Variants in CSMD1 observed in about 807,000 individuals in gnomAD.
The protein encoded by CSMD1 is CUB and sushi domain-containing protein 1.
Under a neutral mutation model 417.5 loss-of-function variants are expected in CSMD1, and 213 were observed. The observed-to-expected ratio is 0.51, with a 90% CI of 0.46 to 0.57. The LOEUF (loss-of-function observed/expected upper bound fraction) is 0.57, where lower values mean the gene tolerates loss of function less well. Among genes scored for constraint, CSMD1 ranks in the 20% least tolerant of loss-of-function variants. CSMD1 has a pLI of 0.00. For synonymous variants in CSMD1, 2,862 were observed against 1,736.8 expected, an observed-to-expected ratio of 1.65 and a Z score of -16.11; for missense variants, 6,923 against 4,529.7, an observed-to-expected ratio of 1.53 and a Z score of -15.17.
At chr8:3,547,840 A>C (rs1563142159) in intron 10 of CSMD1, among the ~76,000 whole-genome samples, 1 of 152,198 alleles carries the variant, frequency 6.6e-6, no homozygotes, top group African/African-American at 2.4e-5. Flanking sequence ...AAAGTTTTTT[A>C]AAAGGAATTT....
intron 5 of CSMD1, among the ~76,000 whole-genome samples, chr8:3,840,675 C>G (rs1314492655): frequency 1.3e-5 from 2 of 150,172 alleles, no homozygotes; most frequent in East Asian, 2.0e-4. Flanking sequence ...TATACAGTGA[C>G]CTCAATTCTT....
chr8:2,982,646 G>A (rs1158433456), intron 54 of CSMD1, among the ~76,000 whole-genome samples: 7 of 152,284 alleles, frequency 4.6e-5, no homozygotes, highest in East Asian at 1.9e-4. Context: ...CTATGACCGC[G>A]GCTCCACCTC....
At chr8:3,209,403 A>G (rs1797478510) in intron 30 of CSMD1, among the ~76,000 whole-genome samples, 1 of 151,774 alleles carries the variant, frequency 6.6e-6, no homozygotes, top group Non-Finnish European at 1.5e-5. Flanking sequence ...TGCAAGTTCC[A>G]TCTCCCGGGT....
chr8:4,994,045 G>C (rs1418219100), intron 1 of CSMD1, among the ~76,000 whole-genome samples: 2 of 152,118 alleles, frequency 1.3e-5, no homozygotes, highest in Non-Finnish European at 2.9e-5. Context: ...ACTCGTATTG[G>C]GTTCCTTTCT....
At chr8:3,963,610 G>T (rs1185919142) in intron 5 of CSMD1, among the ~76,000 whole-genome samples, 1 of 152,106 alleles carries the variant, frequency 6.6e-6, no homozygotes, top group Non-Finnish European at 1.5e-5. Flanking sequence ...TTTAAATTTA[G>T]TAGCACATAT....
intron 3 of CSMD1, among the ~76,000 whole-genome samples, chr8:4,387,983 A>G (rs907139428): frequency 6.6e-6 from 1 of 152,168 alleles, no homozygotes; most frequent in South Asian, 2.1e-4. Flanking sequence ...CAGAAGACAC[A>G]ATCATGTTAA....
chr8:4,837,212 G>A (rs1435811563), intron 1 of CSMD1, among the ~76,000 whole-genome samples: 1 of 152,104 alleles, frequency 6.6e-6, no homozygotes, highest in African/African-American at 2.4e-5. Flanking sequence ...ATACTATTGG[G>A]AAGAATGTAA....
chr8:4,472,589 GAA>G (rs971455613), intron 2 of CSMD1, among the ~76,000 whole-genome samples: 5 of 151,870 alleles, frequency 3.3e-5, no homozygotes, highest in African/African-American at 9.7e-5. Flanking sequence ...TCATCACTTT[GAA>G]AAGTTAAAAT....
chr8:3,932,134 T>C (rs1032340702), intron 5 of CSMD1, among the ~76,000 whole-genome samples: 1 of 150,264 alleles, frequency 6.7e-6, no homozygotes, highest in African/African-American at 2.5e-5. Flanking sequence ...TTATGGCTTA[T>C]ATATTGAGGA....
intron 50 of CSMD1, among the ~76,000 whole-genome samples, chr8:3,050,868 C>G (rs1259432499): frequency 6.6e-5 from 10 of 152,148 alleles, no homozygotes; most frequent in Non-Finnish European, 4.4e-5. Context: ...AATGATCTGA[C>G]TTTATTATTG....
intron 8 of CSMD1, among the ~76,000 whole-genome samples, chr8:3,603,985 T>G (rs1201336425): frequency 6.6e-6 from 1 of 152,228 alleles, no homozygotes; most frequent in African/African-American, 2.4e-5. Flanking sequence ...ATGAAAATTT[T>G]GCATACTGAA....
chr8:3,310,613 T>G (rs1246646695), intron 23 of CSMD1, among the ~76,000 whole-genome samples: 2 of 152,158 alleles, frequency 1.3e-5, no homozygotes, highest in African/African-American at 2.4e-5. Context: ...AAAATCGGGG[T>G]GTAAAAAACT....
chr8:4,854,605 C>T lies in CSMD1; in HGVS notation c.85+139727G>A, dbSNP rs535921347. 2.0e-4 allele frequency among the ~76,000 whole-genome samples: 30 copies of T among 152,238 alleles called. No individual in the cohort carries two copies. In the East Asian group the frequency reaches 2.1e-3, roughly 11 times the overall value. ...GCGAGGCATTGCCTCACTTGGGAAGCGGAAGGGGTCAGGGAGTTCCCTTTC... is the reference window on the plus strand; with the variant it reads ...GCGAGGCATTGCCTCACTTGGGAAGTGGAAGGGGTCAGGGAGTTCCCTTTC... On this transcript the variant is annotated intron_variant, in intron 1 of 69. Transcript: ENST00000635120.
At chr8:3,280,515 C>T (rs1237570158) in intron 26 of CSMD1, among the ~76,000 whole-genome samples, 1 of 152,044 alleles carries the variant, frequency 6.6e-6, no homozygotes, top group Non-Finnish European at 1.5e-5. Flanking sequence ...GCCTCAGAGT[C>T]AATGTTATAT....
chr8:4,846,001 G>A (rs1444930493), intron 1 of CSMD1, among the ~76,000 whole-genome samples: 1 of 152,094 alleles, frequency 6.6e-6, no homozygotes, highest in African/African-American at 2.4e-5. Context: ...ACATTATACT[G>A]GCCATCCACT....
chr8:4,658,698 C>T (rs1417321115), intron 1 of CSMD1, among the ~76,000 whole-genome samples: 1 of 152,040 alleles, frequency 6.6e-6, no homozygotes, highest in Non-Finnish European at 1.5e-5. Flanking sequence ...AGTCATTATA[C>T]TGGTAAATAT....
At chr8:3,382,102 T>C (rs1297042301) in intron 18 of CSMD1, among the ~76,000 whole-genome samples, 2 of 151,814 alleles carry the variant, frequency 1.3e-5, no homozygotes, top group East Asian at 1.9e-4. Context: ...TACTAAAAAA[T>C]ACAAAAATTA....
intron 5 of CSMD1, among the ~76,000 whole-genome samples, chr8:3,969,674 A>G (rs953141348): frequency 6.6e-6 from 1 of 152,250 alleles, no homozygotes; most frequent in African/African-American, 2.4e-5. Context: ...CCTTGCTTTG[A>G]TGTCAGTAGT....
At chr8:3,485,560 G>GAGAGAT (rs1554439254) in intron 11 of CSMD1, among the ~76,000 whole-genome samples, 7 of 150,314 alleles carry the variant, frequency 4.7e-5, no homozygotes, top group Admixed American at 2.7e-4. Context: ...GAGAGAGAGA[G>GAGAGAT]AGAGGGAGAG....
Sources: allele counts gnomAD v4.1 joint callset (sites outside exome capture counted in the v4.1 genomes callset), GRCh38; gene constraint gnomAD v4.1.1; transcripts MANE v1.5; gene names NCBI Gene and HGNC (gene_info 2026-07-23, HGNC 2026-07-21).